The following SH3BGRL2 variants were observed in gnomAD, a reference collection of about 807,000 sequenced individuals.
The protein encoded by SH3BGRL2 is SH3 domain-binding glutamic acid-rich-like protein 2.
A neutral mutation model predicts 14.8 loss-of-function variants in SH3BGRL2; 21 were observed. That is an observed-to-expected ratio of 1.42 (90% confidence interval 1.01 to 2.05). The LOEUF is 2.05. SH3BGRL2 is among the 30% of genes most tolerant of loss of function. The pLI, the probability that SH3BGRL2 is intolerant of heterozygous loss-of-function variation, is 0.00. For synonymous variants in SH3BGRL2, 50 were observed against 47.8 expected (o/e 1.05, Z -0.19); for missense variants, 147 against 130.8 (o/e 1.12, Z -0.61).
chr6:79,667,470 A>G (rs1204002762), intron 1 of SH3BGRL2, among the ~76,000 whole-genome samples: 2 of 151,100 alleles, frequency 1.3e-5, no homozygotes, highest in African/African-American at 2.4e-5. Flanking sequence ...TAATTGAGAC[A>G]GAGTCTCACT....
Position 79,631,410 on chromosome 6 carries a change from C to T in SH3BGRL2, c.-52C>T. 1.4e-6 allele frequency: 2 copies of T among 1,478,160 alleles called. No homozygotes were observed. Among genetic ancestry groups the T allele is most frequent in the Non-Finnish European group, 1.8e-6 (2 of 1,110,026 alleles). 91.6% of individuals were successfully genotyped at this position (1,478,160 alleles called of 1,614,324 possible). A position where few individuals can be genotyped will look rare whatever the true frequency, so the allele number is the denominator to read the frequency against. On this transcript the variant is annotated 5_prime_UTR_variant, in exon 1 of 4. The change creates a new upstream start codon in the 5' untranslated region. Coordinates refer to ENST00000369838, the MANE Select transcript of SH3BGRL2 (RefSeq NM_031469.4). ...GTAGCTGGGTTCAGCTCTGCGTCCA[C>T]GCCAGCCCGGAGCCCGGGGGGCAAG...
At chr6:79,560,170 C>T in the SH3BGRL2 span, among the ~76,000 whole-genome samples, 1 of 151,990 alleles carries the variant, frequency 6.6e-6, no homozygotes, top group Non-Finnish European at 1.5e-5. Context: ...AAGTAATCTT[C>T]GAATATGACC....
the SH3BGRL2 span, among the ~76,000 whole-genome samples, chr6:79,599,951 G>T: frequency 6.6e-6 from 1 of 152,128 alleles, no homozygotes; most frequent in Non-Finnish European, 1.5e-5. Context: ...GGCTGGTGGG[G>T]CTGAGGAGAA....
the SH3BGRL2 span, among the ~76,000 whole-genome samples, chr6:79,585,524 G>C: frequency 6.6e-6 from 1 of 151,996 alleles, no homozygotes; most frequent in African/African-American, 2.4e-5. Context: ...TCTTAATTCT[G>C]ATCTTTGTTT....
chr6:79,592,578 G>A, the SH3BGRL2 span, among the ~76,000 whole-genome samples: 1 of 152,176 alleles, frequency 6.6e-6, no homozygotes. Context: ...ATTCTAGGCA[G>A]AGATGACAGC....
the SH3BGRL2 span, among the ~76,000 whole-genome samples, chr6:79,566,329 T>G: frequency 6.6e-6 from 1 of 152,174 alleles, no homozygotes; most frequent in Admixed American, 6.5e-5. Flanking sequence ...GACCTCAAGT[T>G]ATACTCAAAC....
At chr6:79,673,521 T>A (rs1210070794) in intron 1 of SH3BGRL2, 93 bp from the exon 2 acceptor site, 1 of 1,285,900 alleles carries the variant, frequency 7.8e-7, no homozygotes, top group African/African-American at 1.5e-5. Context: ...CCTCTTTTTT[T>A]GTATCAATGA....
intron 1 of SH3BGRL2, among the ~76,000 whole-genome samples, chr6:79,638,371 C>T (rs1378412523): frequency 6.6e-6 from 1 of 152,106 alleles, no homozygotes; most frequent in Non-Finnish European, 1.5e-5. Context: ...TAGATGGATT[C>T]CATGTCTTGG....
intron 2 of SH3BGRL2, among the ~76,000 whole-genome samples, chr6:79,688,457 A>T (rs940625035): frequency 1.3e-5 from 2 of 152,160 alleles, no homozygotes; most frequent in African/African-American, 2.4e-5. Flanking sequence ...TTATGTGGTT[A>T]TATCTTTCTG....
the SH3BGRL2 span, among the ~76,000 whole-genome samples, chr6:79,569,105 A>G: frequency 6.6e-6 from 1 of 152,200 alleles, no homozygotes; most frequent in Middle Eastern, 3.2e-3. Context: ...TACGATGTAC[A>G]TTGTAAGATG....
the SH3BGRL2 span, among the ~76,000 whole-genome samples, chr6:79,547,924 G>A: frequency 1.3e-5 from 2 of 152,076 alleles, no homozygotes; most frequent in East Asian, 3.9e-4. Flanking sequence ...GGAGTGCAGG[G>A]GCACAATCAC....
chr6:79,556,185 AG>A, the SH3BGRL2 span, among the ~76,000 whole-genome samples: 2 of 152,218 alleles, frequency 1.3e-5, no homozygotes, highest in Non-Finnish European at 2.9e-5. Context: ...CACTCAAAAA[AG>A]GTTGACAAAT....
rs574988267 is a variant in SH3BGRL2, at chr6:79,695,519, T to G, written c.232-966T>G. 2.6e-5 allele frequency among the ~76,000 whole-genome samples: 4 copies of G among 152,284 alleles called. No homozygotes were observed. The South Asian group carries it at 8.3e-4, about 32-fold the overall frequency. On this transcript the variant is annotated intron_variant, in intron 2 of 3. Coordinates refer to ENST00000369838, the MANE Select transcript of SH3BGRL2 (RefSeq NM_031469.4). ...GCACACGTGGTGCCCCATACTTGGTTTCCTTTTGGGCAGGATGCACCCTAG... is the reference window on the plus strand; with the variant it reads ...GCACACGTGGTGCCCCATACTTGGTGTCCTTTTGGGCAGGATGCACCCTAG...
chr6:79,678,368 A>G (rs926040420), intron 2 of SH3BGRL2, among the ~76,000 whole-genome samples: 3 of 152,168 alleles, frequency 2.0e-5, no homozygotes, highest in Non-Finnish European at 2.9e-5. Flanking sequence ...AGATACTTCA[A>G]CTAAGCGGAA....
Position 79,702,199 on chromosome 6 carries a change from A to G in SH3BGRL2, c.*2690A>G, listed in dbSNP as rs886832456. On this transcript the variant is annotated 3_prime_UTR_variant, in exon 4 of 4. Coordinates refer to ENST00000369838, the MANE Select transcript of SH3BGRL2 (RefSeq NM_031469.4). The stretch of plus-strand genomic sequence containing the variant: ...TATTCTAGATTTGTTTCTGTTTTAT[A>G]GATTTAATTCAATACCTCCACATAG... 1 of 152,650 alleles carries G rather than the reference A, an allele frequency of 6.6e-6. No homozygotes were observed. The highest frequency in any genetic ancestry group is 1.5e-5 in the Non-Finnish European group (1 of 68,046). 9.5% of individuals were successfully genotyped at this position (152,650 alleles called of 1,614,324 possible).
the SH3BGRL2 span, among the ~76,000 whole-genome samples, chr6:79,568,708 T>C: frequency 8.5e-5 from 13 of 152,160 alleles, no homozygotes; most frequent in Non-Finnish European, 1.3e-4. Flanking sequence ...AGAGTCTTCA[T>C]TCTTTTCTTG....
At chr6:79,558,084 T>A in the SH3BGRL2 span, among the ~76,000 whole-genome samples, 4 of 152,336 alleles carry the variant, frequency 2.6e-5, no homozygotes, top group African/African-American at 9.6e-5. Context: ...CGTTAGCACA[T>A]TGTTTTGCTG....
At chr6:79,657,457 T>C (rs1769444142) in intron 1 of SH3BGRL2, among the ~76,000 whole-genome samples, 1 of 152,128 alleles carries the variant, frequency 6.6e-6, no homozygotes, top group Non-Finnish European at 1.5e-5. Context: ...GTGGCTCTTG[T>C]AGCTGGTGGT....
the SH3BGRL2 span, among the ~76,000 whole-genome samples, chr6:79,617,042 A>G: frequency 5.9e-5 from 9 of 151,976 alleles, no homozygotes; most frequent in African/African-American, 1.9e-4. Context: ...AAAATTAGCC[A>G]GGTGTGGTGG....
Sources: allele counts gnomAD v4.1 joint callset (sites outside exome capture counted in the v4.1 genomes callset), GRCh38; gene constraint gnomAD v4.1.1; transcripts MANE v1.5; gene names NCBI Gene and HGNC (gene_info 2026-07-23, HGNC 2026-07-21).